PTPRN2: variants seen among roughly 807,000 people sequenced by gnomAD.
The protein encoded by PTPRN2 is receptor-type tyrosine-protein phosphatase N2.
In PTPRN2, 74 loss-of-function variants were observed where a neutral mutation model predicts 118.8. The ratio of observed to expected loss-of-function variants is 0.62; its 90% CI spans 0.52 to 0.76. The LOEUF (loss-of-function observed/expected upper bound fraction) is 0.76, where lower values mean the gene tolerates loss of function less well. PTPRN2 is among the 30% of genes least tolerant of loss of function. The pLI is 0.00. For synonymous variants in PTPRN2, 641 were observed against 608.0 expected (o/e 1.05, Z -0.80); for missense variants, 1,481 against 1,394.4 (o/e 1.06, Z -0.99).
chr7:157,682,106 T>A (rs1300479521), intron 13 of PTPRN2, among the ~76,000 whole-genome samples: 1 of 152,180 alleles, frequency 6.6e-6, no homozygotes, highest in East Asian at 1.9e-4. Context: ...TTCCAGAAAC[T>A]CTGTGGTTTT....
intron 22 of PTPRN2, among the ~76,000 whole-genome samples, chr7:157,546,853 A>G (rs1046993154): frequency 3.9e-5 from 6 of 152,254 alleles, no homozygotes; most frequent in Non-Finnish European, 8.8e-5. Context: ...CACCTCAGCC[A>G]TCTGTGTGCC....
In PTPRN2 at chr7:157,869,640, A is replaced by G. The variant is rs1810931456; in HGVS notation, c.1788+29033T>C. ...CCCTCTGGATATATTTTAAGAATGG[A>G]AAACAAAAAGAAGTGAGAAGGAGCC... On this transcript the variant is annotated intron_variant, in intron 12 of 22. Transcript: ENST00000389418. This position sits in a 1 kb window ranked among gnomAD's most constrained non-coding sequence, Gnocchi z 4.2. Among the ~76,000 whole-genome samples the G allele has an allele frequency of 6.6e-6, 1 of 152,066 alleles. No individual in the cohort carries two copies. The highest frequency in any genetic ancestry group is 2.4e-5 in the African/African-American group (1 of 41,390).
At chr7:158,553,505 T>C (rs779562007) in intron 1 of PTPRN2, among the ~76,000 whole-genome samples, 1 of 149,928 alleles carries the variant, frequency 6.7e-6, no homozygotes, top group Non-Finnish European at 1.5e-5. Context: ...CCACCTTAAC[T>C]GTGTACAGAC....
At chr7:158,126,591 G>A (rs1157920781) in intron 9 of PTPRN2, among the ~76,000 whole-genome samples, 52 of 74,576 alleles carry the variant, frequency 7.0e-4, no homozygotes, top group Admixed American at 6.0e-3. Context: ...GACAGCGGGC[G>A]GCGGAACTTC....
intron 6 of PTPRN2, among the ~76,000 whole-genome samples, chr7:158,141,829 A>C (rs961845956): frequency 6.6e-6 from 1 of 152,182 alleles, no homozygotes; most frequent in Non-Finnish European, 1.5e-5. Flanking sequence ...GGCATTTCTG[A>C]GACAGCATTA....
intron 12 of PTPRN2, among the ~76,000 whole-genome samples, chr7:157,848,427 C>G (rs1430375719): frequency 1.3e-5 from 2 of 152,126 alleles, no homozygotes; most frequent in East Asian, 3.9e-4. Flanking sequence ...CTCATTACAT[C>G]ATGTGTGCCT....
chr7:157,733,442 C>G (rs551988198), intron 12 of PTPRN2, among the ~76,000 whole-genome samples: 1 of 64,130 alleles, frequency 1.6e-5, no homozygotes, highest in Non-Finnish European at 3.3e-5. Flanking sequence ...CCGTCCCATG[C>G]GCCCAGCACA....
intron 11 of PTPRN2, among the ~76,000 whole-genome samples, chr7:158,075,775 G>A (rs772482382): frequency 1.6e-4 from 24 of 152,328 alleles, no homozygotes; most frequent in African/African-American, 5.5e-4. Context: ...CTGTGGGATC[G>A]TCAACCTCAT....
intron 11 of PTPRN2, among the ~76,000 whole-genome samples, chr7:158,033,751 C>G (rs1464754995): frequency 6.7e-6 from 1 of 149,660 alleles, no homozygotes; most frequent in Non-Finnish European, 1.5e-5. Context: ...AAACTCTGCA[C>G]TCTGAGACCC....
At chr7:157,781,838 C>CT (rs1342304033) in intron 12 of PTPRN2, among the ~76,000 whole-genome samples, 9 of 152,262 alleles carry the variant, frequency 5.9e-5, no homozygotes, top group Non-Finnish European at 1.3e-4. Context: ...CTGTCGCTGA[C>CT]TTCTGTGGCA....
intron 3 of PTPRN2, among the ~76,000 whole-genome samples, chr7:158,295,122 G>C (rs1277124758): frequency 7.3e-6 from 1 of 137,074 alleles, no homozygotes; most frequent in Non-Finnish European, 1.5e-5. Context: ...CTTTCCGAGG[G>C]TCAGAGCCCA....
intron 14 of PTPRN2, among the ~76,000 whole-genome samples, chr7:157,633,139 CTTTTCTTTTT>C (rs1338863879): frequency 6.7e-6 from 1 of 148,382 alleles, no homozygotes; most frequent in Non-Finnish European, 1.5e-5. Flanking sequence ...AGTTTCTTTT[CTTTTCTTTTT>C]TTTTTTTTTG....
chr7:157,927,306 ATGTCTTCTGGGACCC>A lies in PTPRN2; in HGVS notation c.1724-28584_1724-28570del, dbSNP rs1563246025. On this transcript the variant is annotated intron_variant, in intron 11 of 22. Transcript: ENST00000389418. The stretch of plus-strand genomic sequence containing the variant: ...GGACCCGTCTGAGAGCAGAGACCTC[ATGTCTTCTGGGACCC>A]CAAGACAGGAAGCCCCAGGGACCCG... Among the ~76,000 whole-genome samples, 225 of 34,462 alleles carry A rather than the reference ATGTCTTCTGGGACCC, an allele frequency of 6.5e-3. 27 individuals carry two copies. The highest frequency in any genetic ancestry group is 0.024 in the African/African-American group (214 of 8,760). The allele number at this position is 34,462 out of a possible 152,430, so 22.6% of individuals were successfully genotyped here.
chr7:158,342,386 A>T (rs1213884466), intron 2 of PTPRN2, among the ~76,000 whole-genome samples: 180 of 122,216 alleles, frequency 1.5e-3, no homozygotes, highest in Middle Eastern at 3.9e-3. Flanking sequence ...AAGAGCTGAC[A>T]TCTGCAGACG....
At chr7:157,925,578 G>T (rs1229318057) in intron 11 of PTPRN2, among the ~76,000 whole-genome samples, 4 of 152,190 alleles carry the variant, frequency 2.6e-5, no homozygotes, top group Admixed American at 2.6e-4. Context: ...GTTCTGAGGT[G>T]GTCAGCAGTG....
chr7:158,561,741 T>C (rs957928647), intron 1 of PTPRN2, among the ~76,000 whole-genome samples: 5 of 152,174 alleles, frequency 3.3e-5, no homozygotes, highest in Admixed American at 3.3e-4. Context: ...GCACAGTCCC[T>C]GTGCAAGACA....
chr7:158,553,212 A>G lies in PTPRN2; in HGVS notation c.112+34346T>C, dbSNP rs145074809. Among the ~76,000 whole-genome samples the G allele has an allele frequency of 2.9e-3, 412 of 143,382 alleles. 3 individuals are homozygous for G. Among genetic ancestry groups the G allele is most frequent in the African/African-American group, 0.01 (388 of 37,954 alleles). 94.1% of individuals were successfully genotyped at this position (143,382 alleles called of 152,430 possible). ...GAGTCTACACTACCTTCCCCTATAC[A>G]TGAATAGGCTTTGGAGTCTACACCA... On this transcript the variant is annotated intron_variant, in intron 1 of 22. Coordinates refer to ENST00000389418, the MANE Select transcript of PTPRN2 (RefSeq NM_002847.5).
At chr7:158,054,077 C>T (rs963555166) in intron 11 of PTPRN2, among the ~76,000 whole-genome samples, 2 of 151,710 alleles carry the variant, frequency 1.3e-5, no homozygotes, top group Non-Finnish European at 2.9e-5. Flanking sequence ...TGGAGAGACC[C>T]CAGTGATGCA....
At chr7:158,064,766 C>T (rs983911924) in intron 11 of PTPRN2, among the ~76,000 whole-genome samples, 18 of 152,248 alleles carry the variant, frequency 1.2e-4, no homozygotes, top group Admixed American at 9.8e-4. Context: ...TCACCCTCCC[C>T]GCAACAGAAC....
Sources: allele counts gnomAD v4.1 joint callset (sites outside exome capture counted in the v4.1 genomes callset), GRCh38; gene constraint gnomAD v4.1.1; non-coding constraint Gnocchi (gnomAD v3.1); transcripts MANE v1.5; gene names NCBI Gene and HGNC (gene_info 2026-07-23, HGNC 2026-07-21).